The following AGBL1 variants were observed in gnomAD, a reference collection of about 807,000 sequenced individuals.
AGBL1 encodes cytosolic carboxypeptidase 4.
In AGBL1, 130 loss-of-function variants were observed where a neutral mutation model predicts 118.9. That is an observed-to-expected ratio of 1.09 (90% CI 0.95 to 1.26). The LOEUF (loss-of-function observed/expected upper bound fraction) is 1.26, where lower values mean the gene tolerates loss of function less well. Among genes scored for constraint, AGBL1 ranks in the 50% most tolerant of loss-of-function variants. The pLI is 0.00. For synonymous variants in AGBL1, 555 were observed against 478.9 expected, an observed-to-expected ratio of 1.16 and a Z score of -2.08; for missense variants, 1,584 against 1,298.1, an observed-to-expected ratio of 1.22 and a Z score of -3.38.
intron 17 of AGBL1, among the ~76,000 whole-genome samples, chr15:86,371,493 A>C (rs1231210023): frequency 6.6e-6 from 1 of 152,170 alleles, no homozygotes; most frequent in Non-Finnish European, 1.5e-5. Context: ...ATAGTTATAC[A>C]TATGTAATAT....
intron 1 of AGBL1, among the ~76,000 whole-genome samples, chr15:86,116,258 T>C (rs1897751022): frequency 6.6e-6 from 1 of 152,226 alleles, no homozygotes; most frequent in Non-Finnish European, 1.5e-5. Context: ...AAGATTAAAA[T>C]AACTTGCTTA....
intron 22 of AGBL1, among the ~76,000 whole-genome samples, chr15:86,706,707 C>T (rs2086456162): frequency 6.6e-6 from 1 of 152,098 alleles, no homozygotes; most frequent in African/African-American, 2.4e-5. Context: ...AAATGCATCC[C>T]ATTGTTTGTT....
At chr15:86,663,643 C>T (rs1344899319) in intron 21 of AGBL1, among the ~76,000 whole-genome samples, 1 of 151,820 alleles carries the variant, frequency 6.6e-6, no homozygotes, top group African/African-American at 2.4e-5. Flanking sequence ...TTGGTGGAGG[C>T]ATGAGAAAAG....
downstream of AGBL1, among the ~76,000 whole-genome samples, chr15:86,918,108 C>T (rs2080446976): frequency 6.6e-6 from 1 of 152,176 alleles, no homozygotes; most frequent in African/African-American, 2.4e-5. Context: ...TAGGAAATTA[C>T]AGATTCCATT....
chr15:86,404,404 C>T (rs2081493957), intron 18 of AGBL1, among the ~76,000 whole-genome samples: 1 of 152,154 alleles, frequency 6.6e-6, no homozygotes, highest in African/African-American at 2.4e-5. Flanking sequence ...TTCTATGGCT[C>T]ACTTTCACTC....
chr15:86,303,902 T>C (rs1243685457), intron 17 of AGBL1, among the ~76,000 whole-genome samples: 2 of 152,190 alleles, frequency 1.3e-5, no homozygotes, highest in Non-Finnish European at 2.9e-5. Context: ...ATTATCTCCA[T>C]GTTTAGATGA....
At chr15:86,265,981 T>C (rs1397854581) in intron 11 of AGBL1, among the ~76,000 whole-genome samples, 1 of 152,186 alleles carries the variant, frequency 6.6e-6, no homozygotes, top group Non-Finnish European at 1.5e-5. Context: ...CTCCCAAACC[T>C]TGAAGATGCT....
intron 23 of AGBL1, among the ~76,000 whole-genome samples, chr15:86,928,074 T>C (rs1211935153): frequency 6.6e-6 from 1 of 152,194 alleles, no homozygotes; most frequent in Non-Finnish European, 1.5e-5. Context: ...AAAGGAAGGA[T>C]AAGCTAGGCC....
At chr15:86,116,183 G>C (rs1186568212) in intron 1 of AGBL1, among the ~76,000 whole-genome samples, 1 of 152,082 alleles carries the variant, frequency 6.6e-6, no homozygotes, top group East Asian at 1.9e-4. Flanking sequence ...TATTGCTCTA[G>C]GTGATTTCAG....
chr15:87,006,151 T>C (rs1010883186), intron 24 of AGBL1, among the ~76,000 whole-genome samples: 2 of 152,192 alleles, frequency 1.3e-5, no homozygotes, highest in African/African-American at 2.4e-5. Context: ...AGGGACCCAC[T>C]TGAGGAGGCA....
At position 86,266,405 on chromosome 15, in the gene AGBL1, A is replaced by C. The variant is rs932358126; in HGVS notation, c.1699A>C (p.Ile567Leu). Residue 567 changes from isoleucine to leucine, a missense_variant, in exon 12 of 23, where the codon ATC (isoleucine) becomes CTC (leucine). Ile to Leu is a conservative substitution (Grantham distance 5). Coordinates refer to ENST00000614907, the MANE Select transcript of AGBL1 (RefSeq NM_001386094.1). ...IRIFEDIRRL[I>L]QPSDVINKVV... ...GATATTTGAGGATATTCGGAGGCTC[A>C]TCCAGCCAAGTGATGTTATAAATAA... 1.9e-6 allele frequency: 3 copies of C among 1,581,786 alleles called. No individual in the cohort carries two copies. The highest frequency in any genetic ancestry group is 1.7e-6 in the Non-Finnish European group (2 of 1,162,244).
intron 18 of AGBL1, among the ~76,000 whole-genome samples, chr15:86,476,440 A>G (rs923104406): frequency 4.6e-5 from 7 of 152,076 alleles, no homozygotes; most frequent in African/African-American, 1.4e-4. Flanking sequence ...CCTAGTCTCT[A>G]ATAAAACAGA....
intron 22 of AGBL1, among the ~76,000 whole-genome samples, chr15:86,807,706 T>G (rs1347858087): frequency 6.6e-6 from 1 of 151,846 alleles, no homozygotes; most frequent in Admixed American, 6.6e-5. Flanking sequence ...GTAATGGGAG[T>G]TTTTGTACTT....
intron 23 of AGBL1, among the ~76,000 whole-genome samples, chr15:86,961,176 A>G (rs1250511059): frequency 6.6e-6 from 1 of 152,062 alleles, no homozygotes; most frequent in Non-Finnish European, 1.5e-5. Context: ...CACAATACGT[A>G]TGTGTTATCA....
intron 18 of AGBL1, 146 bp downstream of exon 18, chr15:86,397,692 C>CAT: frequency 1.4e-6 from 1 of 712,650 alleles, no homozygotes; most frequent in Non-Finnish European, 2.3e-6. Context: ...CAAATAACAA[C>CAT]ATACTTTCCA....
At chr15:86,887,902 C>G (rs916997927) in intron 22 of AGBL1, among the ~76,000 whole-genome samples, 3 of 152,136 alleles carry the variant, frequency 2.0e-5, no homozygotes, top group African/African-American at 7.2e-5. Context: ...GGTATAGATT[C>G]ATAATGATGT....
chr15:86,704,402 A>T (rs1057361161), intron 22 of AGBL1, among the ~76,000 whole-genome samples: 3 of 152,234 alleles, frequency 2.0e-5, no homozygotes, highest in African/African-American at 7.2e-5. Flanking sequence ...ACAAAGGTCT[A>T]ATATCCAGAA....
At chr15:86,831,914 G>A (rs1036311418) in intron 22 of AGBL1, among the ~76,000 whole-genome samples, 1 of 152,278 alleles carries the variant, frequency 6.6e-6, no homozygotes, top group African/African-American at 2.4e-5. Context: ...CCTCTGCCTG[G>A]ATATCCAGGT....
rs201035553 is a variant in AGBL1 at position 86,143,887 on chromosome 15, T to C, written c.262+42T>C. 167 of 1,599,332 alleles carry C rather than the reference T, an allele frequency of 1.0e-4. No individual in the cohort carries two copies. The South Asian group carries it at 1.4e-3, about 13-fold the overall frequency. On this transcript the variant is annotated intron_variant, in intron 3 of 22. Coordinates refer to ENST00000614907, the MANE Select transcript of AGBL1 (RefSeq NM_001386094.1). ...ACCTAAAGCTGACTGAAAAGGCACT[T>C]CTAGGGTTGTTATCATGAGTGCAAT...
Sources: gnomAD v4.1 joint callset for allele counts (sites outside exome capture counted in the v4.1 genomes callset) on GRCh38, gnomAD v4.1.1 for gene constraint, MANE v1.5 for transcripts, NCBI Gene and HGNC (gene_info 2026-07-23, HGNC 2026-07-21) for gene names.